ZYX: variants seen among roughly 807,000 people sequenced by gnomAD.
ZYX encodes zyxin.
In ZYX, 37 loss-of-function variants were observed where a neutral mutation model predicts 58.1. The observed-to-expected ratio is 0.64, with a 90% confidence interval of 0.49 to 0.84. The LOEUF is 0.84. ZYX is among the 40% of genes least tolerant of loss of function. ZYX has a pLI of 0.00. For missense variants in ZYX, 762 were observed against 761.6 expected (o/e 1.00, Z -0.01); for synonymous variants, 324 against 321.1 (o/e 1.01, Z -0.10).
chr7:143,385,249 G>C (rs1414895933), intron 5 of ZYX, among the ~76,000 whole-genome samples: 1 of 152,148 alleles, frequency 6.6e-6, no homozygotes, highest in Admixed American at 6.5e-5. Context: ...GAGAGAGTGG[G>C]TGGTGAGAAG....
rs866871924 is a variant in ZYX, at chr7:143,390,979, C to T, written c.*297C>T. 31 of 412,712 alleles carry T rather than the reference C, an allele frequency of 7.5e-5. No homozygotes were observed. The highest frequency in any genetic ancestry group is 2.8e-4 in the Admixed American group (7 of 24,594). 25.6% of individuals were successfully genotyped at this position (412,712 alleles called of 1,614,324 possible). Reference sequence around the variant, plus strand: ...GCTTTCACTGCTGCACCCGCGCCCTCGGCCGGCCCCCCGAGCAGCCTTTGT... The same window carrying T: ...GCTTTCACTGCTGCACCCGCGCCCTTGGCCGGCCCCCCGAGCAGCCTTTGT... On this transcript the variant is annotated 3_prime_UTR_variant, in exon 10 of 10. Transcript: ENST00000322764. The surrounding 1 kb of genome is among the most constrained non-coding windows in gnomAD (Gnocchi z 4.3).
chr7:143,382,090 T>C (rs564120730), intron 2 of ZYX, 158 bp from the exon 3 acceptor site: 3 of 660,632 alleles, frequency 4.5e-6, no homozygotes, highest in Admixed American at 3.2e-5. Flanking sequence ...TTTCCTGACC[T>C]GGTACTCCCA....
At chr7:143,382,215 C>T (rs778966160) in intron 2 of ZYX, 33 bp from the exon 3 acceptor site, 8 of 1,588,092 alleles carry the variant, frequency 5.0e-6, no homozygotes, top group Admixed American at 1.7e-5. Flanking sequence ...GGTAGAGGGA[C>T]CCCGGCCGAC....
In ZYX at chr7:143,382,806, A is replaced by G. The variant is rs1804686111; in HGVS notation, c.507A>G (p.Ser169=). ...CCCTCTCCCACCCCTTGCAGGTGTCATCTGGATATGTGCCCCCACCAGTGG... is the reference window on the plus strand; with the variant it reads ...CCCTCTCCCACCCCTTGCAGGTGTCGTCTGGATATGTGCCCCCACCAGTGG... ...TKNDPFKARV[S]SGYVPPPVAT... The change falls in exon 5 of 10, where the codon TCA becomes TCG. Residue 169 remains serine (S), a synonymous_variant. Coordinates refer to ENST00000322764, the MANE Select transcript of ZYX (RefSeq NM_003461.5). The G allele has an allele frequency of 6.2e-7, 1 of 1,606,554 alleles. No homozygotes were observed. Among genetic ancestry groups the G allele is most frequent in the Non-Finnish European group, 8.5e-7 (1 of 1,175,604 alleles).
chr7:143,387,639 G>T lies in ZYX; in HGVS notation c.1024-580G>T. 1 of 465,832 alleles carries T rather than the reference G, an allele frequency of 2.1e-6. No individual in the cohort carries two copies. 28.9% of individuals were successfully genotyped at this position (465,832 alleles called of 1,614,324 possible). On this transcript the variant is annotated intron_variant, in intron 5 of 9. Coordinates refer to ENST00000322764, the MANE Select transcript of ZYX (RefSeq NM_003461.5). This position sits in a 1 kb window ranked among gnomAD's most constrained non-coding sequence, Gnocchi z 5.8. ...GCTGCTGGGGAGGGACCTGAGTGAG[G>T]TAGTTCAGAGGCCCCTCACTCGAGG...
rs909088878 is a variant in ZYX at position 143,381,383 on chromosome 7, G to C, written c.-42G>C. 4 of 1,180,640 alleles carry C rather than the reference G, an allele frequency of 3.4e-6. No homozygotes were observed. Among genetic ancestry groups the C allele is most frequent in the Non-Finnish European group, 4.2e-6 (4 of 953,302 alleles). 73.1% of individuals were successfully genotyped at this position (1,180,640 alleles called of 1,614,324 possible). On this transcript the variant is annotated 5_prime_UTR_variant, in exon 1 of 10. Coordinates refer to ENST00000322764, the MANE Select transcript of ZYX (RefSeq NM_003461.5). ...ACCCGGCGCCGAGGCGGCCACCCGA[G>C]ACGCGGCGCGCACGCTCCGGCCTGC... is the stretch of plus-strand genomic sequence containing the variant.
In ZYX at chr7:143,389,997, T is replaced by G. The variant is rs751160676; in HGVS notation, c.1614+20T>G. 6.2e-6 allele frequency: 10 copies of G among 1,613,106 alleles called. No individual in the cohort carries two copies. The highest frequency in any genetic ancestry group is 8.5e-6 in the Non-Finnish European group (10 of 1,179,464). ...TGTGAGGTCAGCCATCCCTCTGGACTCCTTGGGCAGGTTCTGACCAGGAGG... is the reference window on the plus strand; with the variant it reads ...TGTGAGGTCAGCCATCCCTCTGGACGCCTTGGGCAGGTTCTGACCAGGAGG... On this transcript the variant is annotated intron_variant, in intron 9 of 9. Coordinates refer to ENST00000322764, the MANE Select transcript of ZYX (RefSeq NM_003461.5). The surrounding 1 kb of genome is among the most constrained non-coding windows in gnomAD (Gnocchi z 5.6).
rs757205895 is a variant in ZYX at position 143,382,413 on chromosome 7, G to A, written c.374G>A (p.Gly125Glu). 85 of 1,580,510 alleles carry A rather than the reference G, an allele frequency of 5.4e-5. No individual in the cohort carries two copies. The highest frequency in any genetic ancestry group is 7.2e-5 in the Non-Finnish European group (84 of 1,165,270). Residue 125 changes from glycine (G) to glutamate (E), a missense_variant, in exon 3 of 10, where the codon GGA (glycine) becomes GAA (glutamate). Transcript: ENST00000322764. ...PSPPPPPEEE[G>E]GPEAPIPPPP... is the part of the protein sequence containing the mutation. ...CCGCCGCCTCCTCCGGAGGAGGAGG[G>A]AGGGCCTGAGGCCCCCATACCGCCC...
In ZYX at chr7:143,389,151, T is replaced by C. The variant is rs571275054; in HGVS notation, c.1493+206T>C. 6.6e-6 allele frequency among the ~76,000 whole-genome samples: 1 copy of C among 152,306 alleles called. No homozygotes were observed. Among genetic ancestry groups the C allele is most frequent in the Non-Finnish European group, 1.5e-5 (1 of 68,024 alleles). ...GGCATCGAGTCCTGCTGCTGTCTGG[T>C]CCCTCCCTCGCCCTTGATCACTGAA... On this transcript the variant is annotated intron_variant, in intron 8 of 9. Coordinates refer to ENST00000322764, the MANE Select transcript of ZYX (RefSeq NM_003461.5). The surrounding 1 kb of genome is among the most constrained non-coding windows in gnomAD (Gnocchi z 5.6).
rs781255307 is a variant in ZYX, at chr7:143,384,176, T to C, written c.1023+854T>C. On this transcript the variant is annotated intron_variant, in intron 5 of 9. Transcript: ENST00000322764. The surrounding 1 kb of genome is among the most constrained non-coding windows in gnomAD (Gnocchi z 4.9). ...AAGCATCCAGAGTCCACTGATAGTG[T>C]TGATGTCTACCTACACTCGGACACA... 3.8e-5 allele frequency: 18 copies of C among 471,620 alleles called. No individual in the cohort carries two copies. The highest frequency in any genetic ancestry group is 6.6e-5 in the Non-Finnish European group (15 of 227,166). The allele number at this position is 471,620 out of a possible 1,614,324, so 29.2% of individuals were successfully genotyped here.
In ZYX at chr7:143,382,621, T is replaced by C; in HGVS notation, c.437T>C (p.Leu146Ser). The change falls in exon 4 of 10, where the codon TTG (leucine) becomes TCG (serine). Residue 146 changes from leucine (L) to serine (S), a missense_variant. By Grantham distance (145) the Leu-to-Ser change is moderately radical. Coordinates refer to ENST00000322764, the MANE Select transcript of ZYX (RefSeq NM_003461.5). ...AGGGAGAAGGTGAGCAGTATTGATTTGGAGATCGACTCTCTGTCCTCACTG... is the reference window on the plus strand; with the variant it reads ...AGGGAGAAGGTGAGCAGTATTGATTCGGAGATCGACTCTCTGTCCTCACTG... ...QPREKVSSID[L>S]EIDSLSSLLD... The C allele has an allele frequency of 6.2e-7, 1 of 1,614,040 alleles. No individual in the cohort carries two copies. Among genetic ancestry groups the C allele is most frequent in the Non-Finnish European group, 8.5e-7 (1 of 1,179,970 alleles).
In ZYX at chr7:143,384,838, G is replaced by A. The variant is rs1256850615; in HGVS notation, c.1023+1516G>A. On this transcript the variant is annotated intron_variant, in intron 5 of 9. Coordinates refer to ENST00000322764, the MANE Select transcript of ZYX (RefSeq NM_003461.5). The surrounding 1 kb of genome is among the most constrained non-coding windows in gnomAD (Gnocchi z 4.9). ...AGAAGTCCAGAAGGGGAAATGGTTTGGACGGGAAGAGGAGGGGTCCAGCTG... is the reference window on the plus strand; with the variant it reads ...AGAAGTCCAGAAGGGGAAATGGTTTAGACGGGAAGAGGAGGGGTCCAGCTG... 6.6e-6 allele frequency among the ~76,000 whole-genome samples: 1 copy of A among 152,146 alleles called. No individual in the cohort carries two copies. The highest frequency in any genetic ancestry group is 6.5e-5 in the Admixed American group (1 of 15,282).
intron 5 of ZYX, among the ~76,000 whole-genome samples, chr7:143,386,720 G>A (rs1292227374): frequency 1.3e-5 from 2 of 152,046 alleles, no homozygotes; most frequent in Admixed American, 1.3e-4. Context: ...TTGCGGGTGG[G>A]GGCAACTAAG....
In ZYX at chr7:143,388,432, C is replaced by G; in HGVS notation, c.1145-57C>G. 1 of 1,603,666 alleles carries G rather than the reference C, an allele frequency of 6.2e-7. No homozygotes were observed. The highest frequency in any genetic ancestry group is 2.2e-5 in the East Asian group (1 of 44,668). On this transcript the variant is annotated intron_variant, in intron 6 of 9. Coordinates refer to ENST00000322764, the MANE Select transcript of ZYX (RefSeq NM_003461.5). The surrounding 1 kb of genome is among the most constrained non-coding windows in gnomAD (Gnocchi z 7.5). ...CCACTCCCTATCTGAGCTGGCTGAT[C>G]CCTCGCAGCTCTACATACTTCCTTC...
At position 143,383,298 on chromosome 7, in the gene ZYX, C is replaced by T. The variant is rs1437787203; in HGVS notation, c.999C>T (p.Pro333=). The part of the protein sequence containing the change: ...PRVQEKQHPV[P]PPAQNQNQVR... ...TGCAGGAGAAGCAGCACCCCGTGCC[C>T]CCACCGGCTCAGAACCAAAACCAGG... Residue 333 remains proline, a synonymous_variant, in exon 5 of 10, where the codon CCC becomes CCT. Coordinates refer to ENST00000322764, the MANE Select transcript of ZYX (RefSeq NM_003461.5). The T allele has an allele frequency of 9.9e-6, 16 of 1,608,434 alleles. No individual in the cohort carries two copies. The highest frequency in any genetic ancestry group is 1.4e-5 in the Non-Finnish European group (16 of 1,177,866).
In ZYX at chr7:143,389,358, G is replaced by GT. The variant is rs1160808123; in HGVS notation, c.1493+414dup. Among the ~76,000 whole-genome samples the GT allele has an allele frequency of 6.6e-5, 10 of 152,348 alleles. No homozygotes were observed. The highest frequency in any genetic ancestry group is 2.4e-4 in the African/African-American group (10 of 41,580). On this transcript the variant is annotated intron_variant, in intron 8 of 9. Coordinates refer to ENST00000322764, the MANE Select transcript of ZYX (RefSeq NM_003461.5). The surrounding 1 kb of genome is among the most constrained non-coding windows in gnomAD (Gnocchi z 5.6). ...TGACCCGCAGAACCTCAGTGCAGCT[G>GT]TGGGAACAGTGCAGAATCTGACCCC...
At position 143,382,829 on chromosome 7, in the gene ZYX, T is replaced by C; in HGVS notation, c.530T>C (p.Val177Ala). 1 of 1,607,030 alleles carries C rather than the reference T, an allele frequency of 6.2e-7. No homozygotes were observed. The highest frequency in any genetic ancestry group is 8.5e-7 in the Non-Finnish European group (1 of 1,176,150). Reference sequence around the variant, plus strand: ...TCATCTGGATATGTGCCCCCACCAGTGGCCACTCCATTCAGTTCCAAGTCC... The same window carrying C: ...TCATCTGGATATGTGCCCCCACCAGCGGCCACTCCATTCAGTTCCAAGTCC... Reference protein sequence around the residue: ...RVSSGYVPPPVATPFSSKSST... With the variant: ...RVSSGYVPPPAATPFSSKSST... The change falls in exon 5 of 10, where the codon GTG (valine) becomes GCG (alanine). Residue 177 changes from valine (V) to alanine (A), a missense_variant. Coordinates refer to ENST00000322764, the MANE Select transcript of ZYX (RefSeq NM_003461.5).
rs369391172 is a variant in ZYX, at chr7:143,390,995, C to G, written c.*313C>G. Reference sequence around the variant, plus strand: ...CCGCGCCCTCGGCCGGCCCCCCGAGCAGCCTTTGTACTCTGCTTGCGGAGG... The same window carrying G: ...CCGCGCCCTCGGCCGGCCCCCCGAGGAGCCTTTGTACTCTGCTTGCGGAGG... On this transcript the variant is annotated 3_prime_UTR_variant, in exon 10 of 10. Transcript: ENST00000322764. This position sits in a 1 kb window ranked among gnomAD's most constrained non-coding sequence, Gnocchi z 4.3. The G allele has an allele frequency of 8.5e-4, 329 of 387,424 alleles. No homozygotes were observed. Among genetic ancestry groups the G allele is most frequent in the South Asian group, 4.0e-3 (145 of 36,122 alleles). The allele number at this position is 387,424 out of a possible 1,614,324, so 24.0% of individuals were successfully genotyped here.
chr7:143,385,658 A>ATTTTTTTTTTT (rs1804832372), intron 5 of ZYX, among the ~76,000 whole-genome samples: 1 of 80,568 alleles, frequency 1.2e-5, no homozygotes, highest in African/African-American at 4.6e-5. Flanking sequence ...GGTGTGGTAT[A>ATTTTTTTTTTT]TCTTTTTTTT....
Sources: allele counts gnomAD v4.1 joint callset (sites outside exome capture counted in the v4.1 genomes callset), GRCh38; gene constraint gnomAD v4.1.1; non-coding constraint Gnocchi (gnomAD v3.1); transcripts MANE v1.5; gene names NCBI Gene and HGNC (gene_info 2026-07-23, HGNC 2026-07-21).